UBAC1: variants seen among roughly 807,000 people sequenced by gnomAD.
UBAC1 encodes the protein ubiquitin-associated domain-containing protein 1.
Under a neutral mutation model 45.9 loss-of-function variants are expected in UBAC1, and 27 were observed. The ratio of observed to expected loss-of-function variants is 0.59; its 90% CI spans 0.43 to 0.81. UBAC1 has a LOEUF of 0.81. UBAC1 is among the 30% of genes least tolerant of loss of function. UBAC1 has a pLI of 0.00. For missense variants in UBAC1, 529 were observed against 539.2 expected, an observed-to-expected ratio of 0.98 and a Z score of 0.19; for synonymous variants, 227 against 215.5, an observed-to-expected ratio of 1.05 and a Z score of -0.47.
chr9:135,946,228 A>C, intron 5 of UBAC1, 41 bp downstream of exon 5: 1 of 1,429,676 alleles, frequency 7.0e-7, no homozygotes, highest in Non-Finnish European at 9.9e-7. Context: ...CAAGGCCGGC[A>C]GTGAACCGCC....
intron 7 of UBAC1, among the ~76,000 whole-genome samples, chr9:135,944,192 C>A (rs539517907): frequency 1.3e-5 from 2 of 152,302 alleles, no homozygotes; most frequent in East Asian, 3.9e-4. Context: ...CAGGGAAGAC[C>A]TGAGCTGCGA....
chr9:135,933,247 G>A lies in UBAC1; in HGVS notation c.*153C>T. 2 of 625,050 alleles carry A rather than the reference G, an allele frequency of 3.2e-6. No individual in the cohort carries two copies. Among genetic ancestry groups the A allele is most frequent in the South Asian group, 1.9e-5 (1 of 52,336 alleles). 38.7% of individuals were successfully genotyped at this position (625,050 alleles called of 1,614,324 possible). A position where few individuals can be genotyped will look rare whatever the true frequency, so the allele number is the denominator to read the frequency against. The stretch of plus-strand genomic sequence containing the variant: ...ACACTACCGTCACCAAAGTTTATAA[G>A]CAATAAGATCAGAGAGCAGGAGCAG... On this transcript the variant is annotated 3_prime_UTR_variant, in exon 10 of 10. Transcript: ENST00000371756.
rs536127245 is a variant in UBAC1, at chr9:135,933,576, C to A, written c.1103-61G>T. On this transcript the variant is annotated intron_variant, in intron 9 of 9. Coordinates refer to ENST00000371756, the MANE Select transcript of UBAC1 (RefSeq NM_016172.3). ...CCCCCACTCAGCCCACAGGCACAGGCGTGACTTTCCTCTTCGGCAGCTTCC... is the reference window on the plus strand; with the variant it reads ...CCCCCACTCAGCCCACAGGCACAGGAGTGACTTTCCTCTTCGGCAGCTTCC... The A allele has an allele frequency of 8.9e-6, 11 of 1,241,856 alleles. No individual in the cohort carries two copies. In the East Asian group the frequency reaches 9.3e-5, roughly 10 times the overall value. 76.9% of individuals were successfully genotyped at this position (1,241,856 alleles called of 1,614,324 possible).
At chr9:135,953,511 G>C (rs1223240041) in intron 3 of UBAC1, among the ~76,000 whole-genome samples, 169 bp downstream of exon 3, 1 of 151,814 alleles carries the variant, frequency 6.6e-6, no homozygotes, top group Non-Finnish European at 1.5e-5. Flanking sequence ...GTAGAGCCGG[G>C]GTTTCACCAT....
At chr9:135,948,873 C>T (rs1219789122) in intron 3 of UBAC1, among the ~76,000 whole-genome samples, 2 of 152,140 alleles carry the variant, frequency 1.3e-5, no homozygotes, top group Non-Finnish European at 2.9e-5. Context: ...AGTTCGAGAC[C>T]AGCATGGCCA....
At chr9:135,948,355 AAG>A (rs1839364179) in intron 3 of UBAC1, among the ~76,000 whole-genome samples, 1 of 152,268 alleles carries the variant, frequency 6.6e-6, no homozygotes, top group Non-Finnish European at 1.5e-5. Context: ...ACAGAACCGG[AAG>A]AGTGACAGCA....
chr9:135,944,520 G>C (rs12554408), intron 7 of UBAC1, among the ~76,000 whole-genome samples: 29,623 of 152,232 alleles, frequency 0.19, 3,532 homozygotes, highest in Non-Finnish European at 0.27. Context: ...GATGAGGCGC[G>C]GGCGAGGAAG....
intron 5 of UBAC1, 97 bp downstream of exon 5, chr9:135,946,172 C>T (rs1337326163): frequency 9.1e-7 from 1 of 1,093,238 alleles, no homozygotes; most frequent in Non-Finnish European, 1.4e-6. Flanking sequence ...CCATAAAGCA[C>T]TGAGGTTCCG....
chr9:135,961,021 T>C lies in UBAC1; in HGVS notation c.138+4A>G, dbSNP rs921474512. 5 of 1,552,656 alleles carry C rather than the reference T, an allele frequency of 3.2e-6. No individual in the cohort carries two copies. In the African/African-American group the frequency reaches 7.0e-5, roughly 22 times the overall value. On this transcript the variant is annotated splice_donor_region_variant and intron_variant, in intron 1 of 9. Transcript: ENST00000371756. Reference sequence around the variant, plus strand: ...TGGGGGCAGGGGAGGGGGCCCGGCCTTACGTGCTTGAGGCAGCGCTCCTTG... The same window carrying C: ...TGGGGGCAGGGGAGGGGGCCCGGCCCTACGTGCTTGAGGCAGCGCTCCTTG...
chr9:135,942,519 G>A (rs187181343), intron 7 of UBAC1, among the ~76,000 whole-genome samples: 2 of 152,180 alleles, frequency 1.3e-5, no homozygotes, highest in African/African-American at 4.8e-5. Flanking sequence ...TTAGCCCTGT[G>A]TGGTGGTGCG....
At chr9:135,936,824 A>T (rs963518554) in intron 9 of UBAC1, among the ~76,000 whole-genome samples, 1 of 152,016 alleles carries the variant, frequency 6.6e-6, no homozygotes, top group Non-Finnish European at 1.5e-5. Context: ...TTCACATCTT[A>T]AAAAAAATAC....
intron 4 of UBAC1, chr9:135,947,370 G>A (rs1839351399): frequency 6.5e-6 from 1 of 154,784 alleles, no homozygotes; most frequent in Non-Finnish European, 1.4e-5. Context: ...TCCTGTCTCA[G>A]CCTCCTGAAT....
At chr9:135,953,833 C>T (rs1839435124) in intron 2 of UBAC1, 80 bp from the exon 3 acceptor site, 2 of 1,298,394 alleles carry the variant, frequency 1.5e-6, no homozygotes, top group African/African-American at 1.5e-5. Flanking sequence ...GCTGGATGCC[C>T]TGAGAACAGA....
In UBAC1 at chr9:135,938,368, G is replaced by A; in HGVS notation, c.964-8C>T. On this transcript the variant is annotated splice_polypyrimidine_tract_variant and splice_region_variant and intron_variant, in intron 8 of 9. Transcript: ENST00000371756. ...CCCCAGCAGCCACTCGCACTGCAAA[G>A]CCAAGAGCACCAATACCACTGTTAG... 6.2e-7 allele frequency: 1 copy of A among 1,612,306 alleles called. No individual in the cohort carries two copies.
At chr9:135,938,908 C>A (rs546319851) in intron 8 of UBAC1, among the ~76,000 whole-genome samples, 2 of 152,318 alleles carry the variant, frequency 1.3e-5, no homozygotes, top group East Asian at 3.9e-4. Context: ...ATTCTTGAGT[C>A]AGTTTAATCA....
chr9:135,944,625 C>T (rs1463710554), intron 7 of UBAC1, among the ~76,000 whole-genome samples: 3 of 152,338 alleles, frequency 2.0e-5, no homozygotes, highest in Middle Eastern at 3.4e-3. Context: ...TGGACACCCC[C>T]GACGGCAAAT....
At chr9:135,948,066 G>T in intron 3 of UBAC1, 161 bp from the exon 4 acceptor site, 1 of 631,494 alleles carries the variant, frequency 1.6e-6, no homozygotes, top group Non-Finnish European at 2.7e-6. Flanking sequence ...AGAGTTCTGT[G>T]CAAGGCCCAG....
chr9:135,948,026 T>TA, intron 3 of UBAC1, 121 bp from the exon 4 acceptor site: 1 of 896,924 alleles, frequency 1.1e-6, no homozygotes, highest in Non-Finnish European at 1.7e-6. Flanking sequence ...GCCAGAGGTG[T>TA]AAACTCCTTG....
intron 5 of UBAC1, 61 bp downstream of exon 5, chr9:135,946,200 GGAGCTGCA>G: frequency 8.3e-7 from 1 of 1,200,774 alleles, no homozygotes; most frequent in Non-Finnish European, 1.2e-6. Context: ...GTCAGTGCGT[GGAGCTGCA>G]GACGCTCCCC....
Sources: allele counts gnomAD v4.1 joint callset (sites outside exome capture counted in the v4.1 genomes callset), GRCh38; gene constraint gnomAD v4.1.1; transcripts MANE v1.5; gene names NCBI Gene and HGNC (gene_info 2026-07-23, HGNC 2026-07-21).